The following ASXL2 variants were observed in gnomAD, a reference collection of about 807,000 sequenced individuals.
ASXL2 encodes the protein putative Polycomb group protein ASXL2.
ASXL2 carries 23 observed loss-of-function variants against 122.0 expected under a neutral mutation model. The observed-to-expected ratio is 0.19, with a 90% CI of 0.14 to 0.27. The LOEUF (loss-of-function observed/expected upper bound fraction) is 0.27. Ranked by LOEUF, ASXL2 falls within the 10% of genes least tolerant of loss-of-function variation. ASXL2 has a pLI of 1.00. For synonymous variants in ASXL2, 650 were observed against 637.0 expected (o/e 1.02, Z -0.31); for missense variants, 1,518 against 1,713.8 (o/e 0.89, Z 2.02).
chr2:25,814,863 A>T (rs2089214402), intron 3 of ASXL2, among the ~76,000 whole-genome samples: 1 of 152,208 alleles, frequency 6.6e-6, no homozygotes, highest in Non-Finnish European at 1.5e-5. Flanking sequence ...GATTCATACC[A>T]ATCTGAATAC....
rs760967903 is a variant in ASXL2, at chr2:25,743,801, G to A, written c.2536C>T (p.Pro846Ser). The change falls in exon 13 of 13, where the codon CCT (proline) becomes TCT (serine). Residue 846 changes from proline to serine, a missense_variant. Pro to Ser is a moderately conservative substitution (Grantham distance 74). Transcript: ENST00000435504. ...TGPALISGAS[P>S]VHCAADGTVE... ...GTGCCATCAGCTGCACAATGAACAGGTGAGGCACCTGAGATTAGAGCAGGA... is the reference window on the plus strand; with the variant it reads ...GTGCCATCAGCTGCACAATGAACAGATGAGGCACCTGAGATTAGAGCAGGA... 1.2e-6 allele frequency: 2 copies of A among 1,614,020 alleles called. No homozygotes were observed. The highest frequency in any genetic ancestry group is 1.7e-6 in the Non-Finnish European group (2 of 1,179,888).
intron 1 of ASXL2, among the ~76,000 whole-genome samples, chr2:25,877,211 C>T (rs1002426173): frequency 3.9e-5 from 6 of 152,158 alleles, no homozygotes; most frequent in Admixed American, 1.3e-4. Context: ...TCTCACTTTC[C>T]ACTATTAAAA....
intron 8 of ASXL2, among the ~76,000 whole-genome samples, chr2:25,765,743 T>G (rs2088336677): frequency 6.6e-6 from 1 of 152,226 alleles, no homozygotes; most frequent in South Asian, 2.1e-4. Context: ...TACTAAAATT[T>G]TCAATTTTAA....
Position 25,878,393 on chromosome 2 carries a change from G to C in ASXL2, c.-171C>G. ...AGCGGCGGGGGTGGTGCGCGGGGGGGTCTATGGGGCGGCCGGTCCTCTTGC... is the reference window on the plus strand; with the variant it reads ...AGCGGCGGGGGTGGTGCGCGGGGGGCTCTATGGGGCGGCCGGTCCTCTTGC... On this transcript the variant is annotated 5_prime_UTR_variant, in exon 1 of 13. Transcript: ENST00000435504. 3.3e-6 allele frequency: 2 copies of C among 607,920 alleles called. No individual in the cohort carries two copies. The highest frequency in any genetic ancestry group is 2.0e-5 in the South Asian group (1 of 51,220). 37.7% of individuals were successfully genotyped at this position (607,920 alleles called of 1,614,324 possible).
chr2:25,748,728 T>C (rs2149140008), intron 12 of ASXL2, among the ~76,000 whole-genome samples: 1 of 152,358 alleles, frequency 6.6e-6, no homozygotes, highest in South Asian at 2.1e-4. Context: ...ATTAAATGAA[T>C]GAACTGCAAG....
At chr2:25,821,446 A>T (rs1307996203) in intron 3 of ASXL2, among the ~76,000 whole-genome samples, 1 of 151,960 alleles carries the variant, frequency 6.6e-6, no homozygotes, top group African/African-American at 2.4e-5. Flanking sequence ...CATGTAAACT[A>T]CACCTCAATA....
At chr2:25,765,740 AT>A (rs1323813498) in intron 8 of ASXL2, among the ~76,000 whole-genome samples, 2 of 152,110 alleles carry the variant, frequency 1.3e-5, no homozygotes, top group African/African-American at 4.8e-5. Flanking sequence ...ATTTACTAAA[AT>A]TTTCAATTTT....
intron 5 of ASXL2, among the ~76,000 whole-genome samples, chr2:25,798,832 T>C (rs1256473922): frequency 1.3e-5 from 2 of 152,134 alleles, no homozygotes; most frequent in East Asian, 1.9e-4. Context: ...CACAGAAGAT[T>C]TGAGGGCAAT....
chr2:25,788,019 A>G (rs2088775895), intron 5 of ASXL2, among the ~76,000 whole-genome samples: 2 of 152,228 alleles, frequency 1.3e-5, no homozygotes, highest in South Asian at 4.1e-4. Flanking sequence ...TGTTACAAGG[A>G]AAGACAAAAC....
chr2:25,878,144 C>T, intron 1 of ASXL2, 22 bp downstream of exon 1: 1 of 1,613,720 alleles, frequency 6.2e-7, no homozygotes, highest in Non-Finnish European at 8.5e-7. Context: ...CCCGGCCTTC[C>T]CCTTCGCTCC....
chr2:25,760,460 A>G (rs999850625), intron 8 of ASXL2, among the ~76,000 whole-genome samples: 2 of 152,218 alleles, frequency 1.3e-5, no homozygotes, highest in African/African-American at 4.8e-5. Context: ...TGGTAATGGG[A>G]CTATGCAGGG....
At chr2:25,756,326 C>T (rs1034757794) in intron 9 of ASXL2, among the ~76,000 whole-genome samples, 10 of 151,556 alleles carry the variant, frequency 6.6e-5, no homozygotes, top group African/African-American at 1.9e-4. Context: ...CTCCTCACTC[C>T]TTTCTCTCCA....
chr2:25,841,245 G>A (rs2089574795), intron 2 of ASXL2, among the ~76,000 whole-genome samples: 1 of 152,184 alleles, frequency 6.6e-6, no homozygotes, highest in Non-Finnish European at 1.5e-5. Flanking sequence ...GCATTAAGCT[G>A]AGATTGCACC....
intron 1 of ASXL2, among the ~76,000 whole-genome samples, chr2:25,851,232 T>G (rs1334706632): frequency 6.6e-6 from 1 of 152,220 alleles, no homozygotes; most frequent in Non-Finnish European, 1.5e-5. Context: ...TTAGCTGGTT[T>G]TCTGGCATGC....
chr2:25,872,677 T>A (rs2089971146), intron 1 of ASXL2, among the ~76,000 whole-genome samples: 2 of 152,116 alleles, frequency 1.3e-5, no homozygotes, highest in Non-Finnish European at 2.9e-5. Flanking sequence ...AATTTTAAAT[T>A]CTATGAGATT....
intron 3 of ASXL2, among the ~76,000 whole-genome samples, chr2:25,814,687 C>T (rs2149178533): frequency 6.6e-6 from 1 of 152,330 alleles, no homozygotes; most frequent in South Asian, 2.1e-4. Context: ...ACTAAAGTGA[C>T]TTTGATCATA....
intron 3 of ASXL2, 141 bp from the exon 4 acceptor site, chr2:25,806,478 CA>C (rs1415299860): frequency 1.9e-6 from 1 of 518,304 alleles, no homozygotes; most frequent in Non-Finnish European, 3.4e-6. Flanking sequence ...AGAAGTCTAC[CA>C]ATATAGAAAG....
At chr2:25,854,735 AGCTGCAGTCTGG>A (rs1314435003) in intron 1 of ASXL2, among the ~76,000 whole-genome samples, 3 of 152,246 alleles carry the variant, frequency 2.0e-5, no homozygotes, top group Non-Finnish European at 4.4e-5. Context: ...AACCTTGATC[AGCTGCAGTCTGG>A]CCATGAGTGA....
intron 2 of ASXL2, among the ~76,000 whole-genome samples, chr2:25,837,018 T>C (rs961559713): frequency 3.8e-5 from 5 of 133,206 alleles, no homozygotes; most frequent in Non-Finnish European, 7.6e-5. Context: ...TATTAGCTGA[T>C]AGAAGAGTCA....
Sources: gnomAD v4.1 joint callset for allele counts (sites outside exome capture counted in the v4.1 genomes callset) on GRCh38, gnomAD v4.1.1 for gene constraint, MANE v1.5 for transcripts, NCBI Gene and HGNC (gene_info 2026-07-23, HGNC 2026-07-21) for gene names.